The following TMEFF2 variants were observed in gnomAD, a reference collection of about 807,000 sequenced individuals.
TMEFF2 encodes transmembrane protein with EGF like and two follistatin like domains 2.
TMEFF2 carries 28 observed loss-of-function variants against 53.8 expected under a neutral mutation model. The observed-to-expected ratio is 0.52, with a 90% CI of 0.39 to 0.71. The LOEUF (loss-of-function observed/expected upper bound fraction) is 0.71, where lower values mean the gene tolerates loss of function less well. TMEFF2 is among the 30% of genes least tolerant of loss of function. The probability of loss-of-function intolerance (pLI) is 0.00; values close to 1 mark genes in which losing one functional copy is unlikely to be tolerated. For synonymous variants in TMEFF2, 162 were observed against 166.3 expected (o/e 0.97, Z 0.20); for missense variants, 353 against 455.2 (o/e 0.78, Z 2.04).
At chr2:192,057,530 T>G (rs3738883) in intron 5 of TMEFF2, 149 bp downstream of exon 5, 334,636 of 700,996 alleles carry the variant, frequency 0.48, 84,286 homozygotes, top group South Asian at 0.57. Flanking sequence ...GTTCCAGAAA[T>G]TCCTTGCCCT....
At chr2:192,171,154 C>G (rs1326095812) in intron 4 of TMEFF2, among the ~76,000 whole-genome samples, 1 of 151,898 alleles carries the variant, frequency 6.6e-6, no homozygotes, top group African/African-American at 2.4e-5. Flanking sequence ...TTAAATAAAA[C>G]CCCAATATAA....
rs143583684 is a variant in TMEFF2 at position 192,021,043 on chromosome 2, G to C, written c.537-21835C>G. Among the ~76,000 whole-genome samples, 1,111 of 152,232 alleles carry C rather than the reference G, an allele frequency of 7.3e-3. 3 individuals carry two copies. The highest frequency in any genetic ancestry group is 0.014 in the South Asian group (68 of 4,824). On this transcript the variant is annotated intron_variant, in intron 5 of 9. Transcript: ENST00000272771. ...TTTTCTTAAGCATTGATCATTCAGAGTAGTTTGAAAAGCATATTAAAAAGT... is the reference window on the plus strand; with the variant it reads ...TTTTCTTAAGCATTGATCATTCAGACTAGTTTGAAAAGCATATTAAAAAGT...
intron 4 of TMEFF2, among the ~76,000 whole-genome samples, chr2:192,173,014 A>G (rs1441954340): frequency 6.6e-6 from 1 of 151,932 alleles, no homozygotes; most frequent in Non-Finnish European, 1.5e-5. Context: ...GGATAAAGAC[A>G]GGATAGCTAA....
At chr2:192,003,934 G>T (rs1352986689) in intron 5 of TMEFF2, among the ~76,000 whole-genome samples, 2 of 150,350 alleles carry the variant, frequency 1.3e-5, no homozygotes, top group African/African-American at 4.9e-5. Context: ...TGTGTGGGGG[G>T]GGGGCTCACA....
chr2:192,102,410 G>A (rs1028745284), intron 4 of TMEFF2, among the ~76,000 whole-genome samples: 1 of 151,950 alleles, frequency 6.6e-6, no homozygotes, highest in African/African-American at 2.4e-5. Flanking sequence ...TCCCACGGGT[G>A]TGCCTCAACT....
chr2:191,997,054 G>T (rs1283260762), intron 7 of TMEFF2, among the ~76,000 whole-genome samples: 2 of 151,884 alleles, frequency 1.3e-5, no homozygotes, highest in African/African-American at 2.4e-5. Context: ...GTTCTGGGTA[G>T]AAGACCCATT....
chr2:192,145,483 T>C (rs1312481081), intron 4 of TMEFF2, among the ~76,000 whole-genome samples: 3 of 151,964 alleles, frequency 2.0e-5, no homozygotes, highest in Admixed American at 1.3e-4. Flanking sequence ...ATTAAAAGTC[T>C]ATATTATACT....
At chr2:191,994,108 C>A (rs974973030) in intron 7 of TMEFF2, among the ~76,000 whole-genome samples, 1 of 151,944 alleles carries the variant, frequency 6.6e-6, no homozygotes, top group Non-Finnish European at 1.5e-5. Context: ...ACCATAATTT[C>A]TTCTTTTGTA....
At position 192,056,988 on chromosome 2, in the gene TMEFF2, T is replaced by C. The variant is rs553683051; in HGVS notation, c.536+691A>G. ...TGTTTATAAGCTACCCAGTTTATGG[T>C]ATTTTGTTATAGAAACCCAAACAGA... On this transcript the variant is annotated intron_variant, in intron 5 of 9. Transcript: ENST00000272771. 2.1e-4 allele frequency among the ~76,000 whole-genome samples: 32 copies of C among 152,318 alleles called. No homozygotes were observed. The South Asian group carries it at 6.6e-3, about 32-fold the overall frequency.
chr2:192,080,842 G>T (rs1688534893), intron 4 of TMEFF2, among the ~76,000 whole-genome samples: 1 of 151,330 alleles, frequency 6.6e-6, no homozygotes, highest in African/African-American at 2.4e-5. Context: ...ATAATGCTTT[G>T]CAAAATATTT....
Position 191,964,327 on chromosome 2 carries a change from T to C in TMEFF2, c.746-7949A>G, listed in dbSNP as rs547224502. The stretch of plus-strand genomic sequence containing the variant: ...TCCTTCTTTCTTTCCTTCCTTCCTT[T>C]CTTTCCTTCTTTCTTTCTTTCTTTC... On this transcript the variant is annotated intron_variant, in intron 7 of 9. Coordinates refer to ENST00000272771, the MANE Select transcript of TMEFF2 (RefSeq NM_016192.4). Among the ~76,000 whole-genome samples, 85 of 115,436 alleles carry C rather than the reference T, an allele frequency of 7.4e-4. 1 individual carries two copies. The highest frequency in any genetic ancestry group is 3.5e-3 in the African/African-American group (84 of 23,766). The allele number at this position is 115,436 out of a possible 152,430, so 75.7% of individuals were successfully genotyped here.
intron 5 of TMEFF2, among the ~76,000 whole-genome samples, chr2:192,022,999 T>C (rs554519535): frequency 6.6e-6 from 1 of 151,878 alleles, no homozygotes; most frequent in South Asian, 2.1e-4. Flanking sequence ...ATTGAAGATT[T>C]TTTTATCTTT....
intron 7 of TMEFF2, among the ~76,000 whole-genome samples, chr2:191,997,690 T>C (rs947964486): frequency 7.3e-5 from 11 of 150,652 alleles, no homozygotes; most frequent in Non-Finnish European, 1.5e-4. Flanking sequence ...AATTGTTAAA[T>C]ATGATTTATA....
At chr2:192,043,825 G>A (rs934842801) in intron 5 of TMEFF2, 1 of 152,196 alleles carries the variant, frequency 6.6e-6, no homozygotes. Flanking sequence ...TACATTCCTG[G>A]AAAGACTGCA....
intron 4 of TMEFF2, among the ~76,000 whole-genome samples, chr2:192,113,460 G>A (rs534446890): frequency 2.9e-4 from 44 of 152,106 alleles, no homozygotes; most frequent in African/African-American, 1.0e-3. Flanking sequence ...TTATGGTTAC[G>A]CAAAGTAAAT....
intron 7 of TMEFF2, among the ~76,000 whole-genome samples, chr2:191,984,042 G>T (rs569160964): frequency 6.6e-6 from 1 of 152,248 alleles, no homozygotes; most frequent in East Asian, 1.9e-4. Context: ...AACCCTAGTA[G>T]TCCATCTGCT....
chr2:191,996,785 G>A (rs750558451), intron 7 of TMEFF2, among the ~76,000 whole-genome samples: 2 of 151,686 alleles, frequency 1.3e-5, no homozygotes, highest in Non-Finnish European at 2.9e-5. Flanking sequence ...ATTTGTGAAT[G>A]AAATGATAAA....
At chr2:191,986,078 A>G (rs4311010) in intron 7 of TMEFF2, among the ~76,000 whole-genome samples, 95,491 of 152,138 alleles carry the variant, frequency 0.63, 32,384 homozygotes, top group East Asian at 0.91. Context: ...CATGAGCAAC[A>G]CAACAGTTTT....
At chr2:192,028,778 AT>A (rs1234157910) in intron 5 of TMEFF2, 1 of 152,138 alleles carries the variant, frequency 6.6e-6, no homozygotes, top group East Asian at 1.9e-4. Context: ...AAATTGTGTA[AT>A]TTTGGTGATT....
Sources: gnomAD v4.1 joint callset for allele counts (sites outside exome capture counted in the v4.1 genomes callset) on GRCh38, gnomAD v4.1.1 for gene constraint, MANE v1.5 for transcripts, NCBI Gene and HGNC (gene_info 2026-07-23, HGNC 2026-07-21) for gene names.